Variants in LRRC59 observed in about 807,000 individuals in gnomAD.
The protein encoded by LRRC59 is leucine-rich repeat-containing protein 59.
Under a neutral mutation model 33.5 loss-of-function variants are expected in LRRC59, and 18 were observed. The ratio of observed to expected loss-of-function variants is 0.54; its 90% confidence interval spans 0.37 to 0.80. LRRC59 has a LOEUF of 0.80. Ranked by LOEUF, LRRC59 falls within the 30% of genes least tolerant of loss-of-function variation. LRRC59 has a pLI of 0.00. For synonymous variants in LRRC59, 138 were observed against 160.0 expected (o/e 0.86, Z 1.04); for missense variants, 330 against 391.9 (o/e 0.84, Z 1.33).
Position 50,382,997 on chromosome 17 carries a change from A to G in LRRC59, c.915T>C (p.Ser305=). ...GGTGCTGGGGACAAGCTCACTGCTG[A>G]GAGTCGGTCTGGAGGACCCACTGGA... is the stretch of plus-strand genomic sequence containing the variant. ...EILQWVLQTD[S]QQ The change falls in exon 7 of 7, where the codon TCT becomes TCC. Residue 305 remains serine (S), a synonymous_variant. Coordinates refer to ENST00000225972, the MANE Select transcript of LRRC59 (RefSeq NM_018509.4). The G allele has an allele frequency of 6.2e-7, 1 of 1,612,672 alleles. No homozygotes were observed. Among genetic ancestry groups the G allele is most frequent in the Non-Finnish European group, 8.5e-7 (1 of 1,179,882 alleles).
At chr17:50,383,679 C>T (rs1913929216) in intron 6 of LRRC59, among the ~76,000 whole-genome samples, 1 of 151,950 alleles carries the variant, frequency 6.6e-6, no homozygotes, top group African/African-American at 2.4e-5. Flanking sequence ...ATATTGTAAG[C>T]AGTGATGATT....
intron 6 of LRRC59, among the ~76,000 whole-genome samples, chr17:50,383,495 C>T (rs1913923982): frequency 6.6e-6 from 1 of 152,126 alleles, no homozygotes; most frequent in Non-Finnish European, 1.5e-5. Context: ...CTAAGTTCTC[C>T]TTGGTAACAT....
At chr17:50,392,580 G>T in intron 3 of LRRC59, 78 bp from the exon 4 acceptor site, 1 of 1,461,924 alleles carries the variant, frequency 6.8e-7, no homozygotes, top group South Asian at 1.2e-5. Flanking sequence ...GAAACAAAAT[G>T]AGCAGGAAGA....
chr17:50,397,268 C>T lies in LRRC59; in HGVS notation c.50G>A (p.Gly17Asp). 6.2e-7 allele frequency: 1 copy of T among 1,609,856 alleles called. No homozygotes were observed. The highest frequency in any genetic ancestry group is 8.5e-7 in the Non-Finnish European group (1 of 1,178,448). The change falls in exon 1 of 7, where the codon GGC becomes GAC. Residue 17 changes from glycine to aspartate, a missense_variant. Transcript: ENST00000225972. ...GCTGAGGCTCAGGTCCAGTTCGTTG[C>T]CGTCCAGCTTGTCGCGGAGGTTCCC... ...KGGNLRDKLDGNELDLSLSDL... is the reference protein window; with the variant it reads ...KGGNLRDKLDDNELDLSLSDL...
intron 2 of LRRC59, 150 bp from the exon 3 acceptor site, chr17:50,393,047 G>C (rs760179708): frequency 1.7e-5 from 12 of 718,100 alleles, no homozygotes; most frequent in Non-Finnish European, 2.7e-5. Flanking sequence ...TTCATGTGTA[G>C]CCCAAGACAA....
chr17:50,396,909 G>C, intron 1 of LRRC59: 1 of 395,466 alleles, frequency 2.5e-6, no homozygotes, highest in Non-Finnish European at 4.5e-6. Flanking sequence ...ACTCAGAGTC[G>C]GGCACGGAGG....
At position 50,388,102 on chromosome 17, in the gene LRRC59, C is replaced by G. The variant is rs376481638; in HGVS notation, c.460G>C (p.Asp154His). 1 of 1,614,242 alleles carries G rather than the reference C, an allele frequency of 6.2e-7. No homozygotes were observed. The change falls in exon 5 of 7, where the codon GAT (aspartate) becomes CAT (histidine). Residue 154 changes from aspartate (D) to histidine (H), a missense_variant. Physicochemically the swap from Asp to His is moderately conservative, Grantham distance 81 (BLOSUM62 -1). Transcript: ENST00000225972. Reference protein sequence around the residue: ...VLQHMKAVQADQERERQRRLE... With the variant: ...VLQHMKAVQAHQERERQRRLE... ...CGCCGCTGCCTCTCCCGCTCCTGATCTGCCTGCACGGCCTTCATGTGCTGT... is the reference window on the plus strand; with the variant it reads ...CGCCGCTGCCTCTCCCGCTCCTGATGTGCCTGCACGGCCTTCATGTGCTGT...
intron 6 of LRRC59, among the ~76,000 whole-genome samples, chr17:50,383,778 CAT>C (rs906567914): frequency 7.2e-5 from 11 of 151,812 alleles, no homozygotes; most frequent in Non-Finnish European, 1.6e-4. Context: ...TTGCAATGAA[CAT>C]ATGTTACATT....
At chr17:50,388,776 T>C (rs1013268981) in intron 4 of LRRC59, among the ~76,000 whole-genome samples, 1 of 152,210 alleles carries the variant, frequency 6.6e-6, no homozygotes. Flanking sequence ...GGGAACAGCA[T>C]TTCCTCCAAC....
In LRRC59 at chr17:50,397,312, G is replaced by C. The variant is rs778095615; in HGVS notation, c.6C>G (p.Thr2=). 4 of 1,606,854 alleles carry C rather than the reference G, an allele frequency of 2.5e-6. No homozygotes were observed. The highest frequency in any genetic ancestry group is 2.5e-6 in the Non-Finnish European group (3 of 1,177,136). The part of the protein sequence containing the change: M[T]KAGSKGGNLR... ...GGTTCCCGCCCTTGCTACCGGCCTTGGTCATGGTAACGCCGGCTGAGCGGG... is the reference window on the plus strand; with the variant it reads ...GGTTCCCGCCCTTGCTACCGGCCTTCGTCATGGTAACGCCGGCTGAGCGGG... Residue 2 remains threonine, a synonymous_variant, in exon 1 of 7, where the codon ACC becomes ACG. Coordinates refer to ENST00000225972, the MANE Select transcript of LRRC59 (RefSeq NM_018509.4).
chr17:50,386,502 T>C (rs545472944), intron 5 of LRRC59, among the ~76,000 whole-genome samples: 2 of 152,354 alleles, frequency 1.3e-5, no homozygotes, highest in Middle Eastern at 3.4e-3. Flanking sequence ...TTAGCCATAA[T>C]GTAGCTGAAT....
chr17:50,392,443 T>C lies in LRRC59; in HGVS notation c.384A>G (p.Ala128=), dbSNP rs765097452. The change falls in exon 4 of 7, where the codon GCA becomes GCG. Residue 128 remains alanine, a synonymous_variant. Coordinates refer to ENST00000225972, the MANE Select transcript of LRRC59 (RefSeq NM_018509.4). The part of the protein sequence containing the change: ...NPLDPVLAKV[A]GDCLDEKQCK... ...ACTGCTTCTCATCCAAGCAGTCACC[T>C]GCCACCTTGGCCAGGACAGGATCCA... The C allele has an allele frequency of 6.2e-7, 1 of 1,614,190 alleles. No homozygotes were observed. Among genetic ancestry groups the C allele is most frequent in the South Asian group, 1.1e-5 (1 of 91,082 alleles).
At chr17:50,394,670 TGTTGA>T (rs957673092) in intron 2 of LRRC59, among the ~76,000 whole-genome samples, 2 of 152,312 alleles carry the variant, frequency 1.3e-5, no homozygotes, top group African/African-American at 2.4e-5. Flanking sequence ...CTCAGCACCC[TGTTGA>T]GTTTAGTTTT....
rs551033390 is a variant in LRRC59, at chr17:50,392,341, G to A, written c.429+57C>T. Reference sequence around the variant, plus strand: ...GGTGCCCTAGGAGGGAAAAACAGGAGGAGGAGAAATCCCAGGGAGTGTATA... The same window carrying A: ...GGTGCCCTAGGAGGGAAAAACAGGAAGAGGAGAAATCCCAGGGAGTGTATA... On this transcript the variant is annotated intron_variant, in intron 4 of 6. Transcript: ENST00000225972. 2.4e-3 allele frequency: 3,350 copies of A among 1,416,104 alleles called. 7 individuals are homozygous for A. Among genetic ancestry groups the A allele is most frequent in the Non-Finnish European group, 2.9e-3 (2,893 of 1,003,760 alleles). The allele number at this position is 1,416,104 out of a possible 1,614,324, so 87.7% of individuals were successfully genotyped here. A position where few individuals can be genotyped will look rare whatever the true frequency, so the allele number is the denominator to read the frequency against.
chr17:50,394,994 TAA>T lies in LRRC59; in HGVS notation c.106-8_106-7del, dbSNP rs1914237169. 6.2e-7 allele frequency: 1 copy of T among 1,604,402 alleles called. No individual in the cohort carries two copies. Among genetic ancestry groups the T allele is most frequent in the African/African-American group, 1.3e-5 (1 of 74,640 alleles). ...GTGGCCTTTGGAAGGGCAGCCTAGG[TAA>T]AAGAGGATGAGAAAAACATGTCAGA... is the stretch of plus-strand genomic sequence containing the variant. On this transcript the variant is annotated splice_polypyrimidine_tract_variant and splice_region_variant and intron_variant, in intron 1 of 6. Transcript: ENST00000225972.
At chr17:50,389,506 C>T (rs1324478186) in intron 4 of LRRC59, among the ~76,000 whole-genome samples, 1 of 152,084 alleles carries the variant, frequency 6.6e-6, no homozygotes, top group Non-Finnish European at 1.5e-5. Flanking sequence ...AATAATATAA[C>T]TTGTATTGGC....
rs1028169469 is a variant in LRRC59, at chr17:50,388,052, C to A, written c.502+8G>T. On this transcript the variant is annotated splice_region_variant and intron_variant, in intron 5 of 6. Transcript: ENST00000225972. ...TGAAAGATAACTACAAGAGGGACAG[C>A]CACCTACCACGTTCTACTTCCAGCC... 6.2e-7 allele frequency: 1 copy of A among 1,614,058 alleles called. No individual in the cohort carries two copies. Among genetic ancestry groups the A allele is most frequent in the South Asian group, 1.1e-5 (1 of 91,080 alleles).
intron 6 of LRRC59, 31 bp from the exon 7 acceptor site, chr17:50,383,266 G>T: frequency 1.3e-6 from 2 of 1,545,644 alleles, no homozygotes; most frequent in Non-Finnish European, 1.7e-6. Context: ...GACAAAGCAA[G>T]TTCAGTCAGA....
In LRRC59 at chr17:50,383,169, A is replaced by G; in HGVS notation, c.743T>C (p.Leu248Pro). 2 of 1,569,378 alleles carry G rather than the reference A, an allele frequency of 1.3e-6. No individual in the cohort carries two copies. Among genetic ancestry groups the G allele is most frequent in the Non-Finnish European group, 1.7e-6 (2 of 1,157,304 alleles). The change falls in exon 7 of 7, where the codon CTG (leucine) becomes CCG (proline). Residue 248 changes from leucine to proline, a missense_variant. Physicochemically the swap from Leu to Pro is moderately conservative, Grantham distance 98. Coordinates refer to ENST00000225972, the MANE Select transcript of LRRC59 (RefSeq NM_018509.4). ...TAGCAGCAGCAGCAGCAGCAGCTTCAGCACAGCCCAGGAACGAGTGTGCTT... is the reference window on the plus strand; with the variant it reads ...TAGCAGCAGCAGCAGCAGCAGCTTCGGCACAGCCCAGGAACGAGTGTGCTT... ...PRKHTRSWAV[L>P]KLLLLLLLFG...
Sources: gnomAD v4.1 joint callset for allele counts (sites outside exome capture counted in the v4.1 genomes callset) on GRCh38, gnomAD v4.1.1 for gene constraint, MANE v1.5 for transcripts, NCBI Gene and HGNC (gene_info 2026-07-23, HGNC 2026-07-21) for gene names.